Variants in PCDHGB2 observed in about 807,000 individuals in gnomAD.
PCDHGB2 encodes protocadherin gamma-B2.
A neutral mutation model predicts 59.3 loss-of-function variants in PCDHGB2; 55 were observed. The ratio of observed to expected loss-of-function variants is 0.93; its 90% CI spans 0.75 to 1.16. The LOEUF is 1.16. Among genes scored for constraint, PCDHGB2 ranks in the 50% most tolerant of loss-of-function variants. The pLI is 0.00. For synonymous variants in PCDHGB2, 516 were observed against 512.0 expected, an observed-to-expected ratio of 1.01 and a Z score of -0.11; for missense variants, 1,228 against 1,198.5, an observed-to-expected ratio of 1.02 and a Z score of -0.36.
In PCDHGB2 at chr5:141,485,066, G is replaced by A. The variant is rs907517904; in HGVS notation, c.2422-9741G>A. On this transcript the variant is annotated intron_variant, in intron 1 of 3. Coordinates refer to ENST00000522605, the MANE Select transcript of PCDHGB2 (RefSeq NM_018923.3). This position sits in a 1 kb window ranked among gnomAD's most constrained non-coding sequence, Gnocchi z 5.7. Reference sequence around the variant, plus strand: ...GCGGCGCCGGCCGAACCGCGCCAGAGCTGGCGCGGGGAAAGGGAGATAGGT... The same window carrying A: ...GCGGCGCCGGCCGAACCGCGCCAGAACTGGCGCGGGGAAAGGGAGATAGGT... 1 of 885,622 alleles carries A rather than the reference G, an allele frequency of 1.1e-6. No individual in the cohort carries two copies. Among genetic ancestry groups the A allele is most frequent in the Non-Finnish European group, 1.8e-6 (1 of 559,820 alleles). 54.9% of individuals were successfully genotyped at this position (885,622 alleles called of 1,614,324 possible).
rs558504351 is a variant in PCDHGB2, at chr5:141,374,628, T to A, written c.2421+12072T>A. The A allele has an allele frequency of 2.5e-6, 4 of 1,613,272 alleles. No individual in the cohort carries two copies. The South Asian group carries it at 3.3e-5, about 13-fold the overall frequency. On this transcript the variant is annotated intron_variant, in intron 1 of 3. Coordinates refer to ENST00000522605, the MANE Select transcript of PCDHGB2 (RefSeq NM_018923.3). ...GGTAATAGTCACTTCTCAGTGGACG[T>A]GCAAAGCGAAGCCCATGGGCCCAAG...
chr5:141,385,041 C>T, intron 1 of PCDHGB2: 1 of 1,614,174 alleles, frequency 6.2e-7, no homozygotes, highest in Non-Finnish European at 8.5e-7. Flanking sequence ...TGCTGGCGCT[C>T]AGGCTGCGGC....
rs367926929 is a variant in PCDHGB2 at position 141,372,227 on chromosome 5, C to G, written c.2421+9671C>G. 4.8e-4 allele frequency: 778 copies of G among 1,613,442 alleles called. 3 individuals are homozygous for G. The African/African-American group carries it at 9.4e-3, about 19-fold the overall frequency. On this transcript the variant is annotated intron_variant, in intron 1 of 3. Coordinates refer to ENST00000522605, the MANE Select transcript of PCDHGB2 (RefSeq NM_018923.3). ...GGCTGTCCTACCACATTGTGCAGGC[C>G]AGCGAGCCCGGGCTGTTCAGCCTGG...
intron 1 of PCDHGB2, chr5:141,430,592 C>A (rs2097296542): frequency 1.8e-6 from 1 of 544,568 alleles, no homozygotes; most frequent in Non-Finnish European, 2.9e-6. Flanking sequence ...TCGCCTTGCA[C>A]GCGCCTGAAG....
chr5:141,510,894 A>G, intron 3 of PCDHGB2, 53 bp from the exon 4 acceptor site: 2 of 1,612,850 alleles, frequency 1.2e-6, no homozygotes, highest in Non-Finnish European at 8.5e-7. Flanking sequence ...TAAGACAGTG[A>G]CTGTTGAGGA....
chr5:141,472,145 A>C (rs1376068421), intron 1 of PCDHGB2, among the ~76,000 whole-genome samples: 1 of 152,244 alleles, frequency 6.6e-6, no homozygotes, highest in Non-Finnish European at 1.5e-5. Context: ...TAAAAGTTTC[A>C]TGGTTACATA....
chr5:141,397,172 G>C (rs1407642752), intron 1 of PCDHGB2, among the ~76,000 whole-genome samples: 3 of 152,128 alleles, frequency 2.0e-5, no homozygotes, highest in Non-Finnish European at 2.9e-5. Flanking sequence ...TAACTCTTAA[G>C]AATGAATTTA....
chr5:141,390,099 C>T (rs1252752587), intron 1 of PCDHGB2: 2 of 1,614,052 alleles, frequency 1.2e-6, no homozygotes, highest in Admixed American at 3.3e-5. Context: ...CGTGGTTCCC[C>T]CCAACTACAG....
chr5:141,478,563 C>A, intron 1 of PCDHGB2: 2 of 1,596,270 alleles, frequency 1.3e-6, no homozygotes, highest in South Asian at 1.1e-5. Context: ...TTTAGCAAGT[C>A]ATGCTTGACC....
intron 1 of PCDHGB2, chr5:141,393,572 G>C (rs1399932416): frequency 6.2e-7 from 1 of 1,613,908 alleles, no homozygotes; most frequent in South Asian, 1.1e-5. Context: ...AAGTCCTTGA[G>C]AACATGCCCC....
intron 1 of PCDHGB2, among the ~76,000 whole-genome samples, chr5:141,449,520 C>T (rs1384869748): frequency 1.4e-5 from 2 of 144,104 alleles, no homozygotes; most frequent in Non-Finnish European, 1.5e-5. Context: ...ACCTGGGAGG[C>T]GGAGGTTGCA....
chr5:141,494,729 C>T (rs2099756368), intron 1 of PCDHGB2, 78 bp from the exon 2 acceptor site: 31 of 1,610,050 alleles, frequency 1.9e-5, no homozygotes, highest in Admixed American at 3.3e-5. Flanking sequence ...CCTTCTCTCC[C>T]GGCCCATCCC....
chr5:141,429,421 C>T (rs1223756901), intron 1 of PCDHGB2, among the ~76,000 whole-genome samples: 1 of 151,486 alleles, frequency 6.6e-6, no homozygotes, highest in Non-Finnish European at 1.5e-5. Context: ...CATTATGTTG[C>T]CCAGGCTGGA....
chr5:141,419,671 G>T (rs532058652), intron 1 of PCDHGB2: 1 of 1,612,894 alleles, frequency 6.2e-7, no homozygotes, highest in East Asian at 2.2e-5. Context: ...ATGCCTGGCT[G>T]TCCTACCACG....
chr5:141,430,790 A>G, intron 1 of PCDHGB2: 1 of 1,516,892 alleles, frequency 6.6e-7, no homozygotes, highest in South Asian at 1.3e-5. Context: ...CCGGGACTAC[A>G]AAGGGCTTGT....
chr5:141,366,469 G>C (rs575828819), intron 1 of PCDHGB2: 2 of 1,614,256 alleles, frequency 1.2e-6, no homozygotes, highest in Non-Finnish European at 1.7e-6. Flanking sequence ...TGCTGCTGGT[G>C]CTCAGACTGA....
chr5:141,397,353 AG>A (rs556761818), intron 1 of PCDHGB2, among the ~76,000 whole-genome samples: 31 of 152,340 alleles, frequency 2.0e-4, no homozygotes, highest in Non-Finnish European at 2.9e-4. Flanking sequence ...TAATATAGTC[AG>A]GAAGAGGAGA....
In PCDHGB2 at chr5:141,381,826, CTTTTTT is replaced by C. The variant is rs770630741; in HGVS notation, c.2421+19287_2421+19292del. 6.8e-3 allele frequency among the ~76,000 whole-genome samples: 507 copies of C among 74,296 alleles called. 2 individuals are homozygous for C. Among genetic ancestry groups the C allele is most frequent in the Non-Finnish European group, 8.2e-3 (349 of 42,396 alleles). 48.7% of individuals were successfully genotyped at this position (74,296 alleles called of 152,430 possible). On this transcript the variant is annotated intron_variant, in intron 1 of 3. Transcript: ENST00000522605. ...TTTCTTTCTTTCTTTCTTTCTTCTT[CTTTTTT>C]TTTTTTTTTTTTTTTTGGCAGAGTT... is the stretch of plus-strand genomic sequence containing the variant.
At position 141,511,426 on chromosome 5, in the gene PCDHGB2, G is replaced by C. The variant is rs2099883789; in HGVS notation, c.*253G>C. 2.5e-6 allele frequency: 2 copies of C among 798,652 alleles called. No homozygotes were observed. The highest frequency in any genetic ancestry group is 3.8e-6 in the Non-Finnish European group (2 of 529,972). 49.5% of individuals were successfully genotyped at this position (798,652 alleles called of 1,614,324 possible). ...CAACTGCTGTACCCATGGGGGTAGTGGGGTTACTGTAGACACCAAGAACCA... is the reference window on the plus strand; with the variant it reads ...CAACTGCTGTACCCATGGGGGTAGTCGGGTTACTGTAGACACCAAGAACCA... On this transcript the variant is annotated 3_prime_UTR_variant, in exon 4 of 4. Transcript: ENST00000522605.
Sources: gnomAD v4.1 joint callset for allele counts (sites outside exome capture counted in the v4.1 genomes callset) on GRCh38, gnomAD v4.1.1 for gene constraint, Gnocchi (gnomAD v3.1) non-coding constraint, MANE v1.5 for transcripts, NCBI Gene and HGNC (gene_info 2026-07-23, HGNC 2026-07-21) for gene names.